Variants in CBLN2 observed in about 807,000 individuals in gnomAD.
CBLN2 encodes the protein cerebellin 2 precursor, also known as cerebellin-2.
Under a neutral mutation model 15.0 loss-of-function variants are expected in CBLN2, and 7 were observed. The observed-to-expected ratio is 0.47, with a 90% confidence interval of 0.27 to 0.88. The LOEUF is 0.88. CBLN2 is among the 40% of genes least tolerant of loss of function. CBLN2 has a pLI of 0.14. For missense variants in CBLN2, 242 were observed against 304.5 expected, an observed-to-expected ratio of 0.79 and a Z score of 1.53; for synonymous variants, 149 against 135.2, an observed-to-expected ratio of 1.10 and a Z score of -0.71.
chr18:72,548,656 T>C (rs1045542950), upstream of CBLN2, among the ~76,000 whole-genome samples: 1 of 41,546 alleles, frequency 2.4e-5, no homozygotes, highest in African/African-American at 3.1e-5. Flanking sequence ...CAAATATATT[T>C]AAGAAATATT....
intron 1 of CBLN2, among the ~76,000 whole-genome samples, chr18:72,613,739 G>A (rs955269091): frequency 1.3e-4 from 20 of 152,228 alleles, no homozygotes; most frequent in Middle Eastern, 3.4e-3. Context: ...TGAGGCCCCA[G>A]GGACTCATTT....
At chr18:72,557,988 C>T (rs1346899223) in intron 1 of CBLN2, among the ~76,000 whole-genome samples, 1 of 152,084 alleles carries the variant, frequency 6.6e-6, no homozygotes, top group East Asian at 1.9e-4. Flanking sequence ...ATGGGTTTTT[C>T]CAGCACAGAG....
At chr18:72,608,948 G>C (rs2069602683) in intron 1 of CBLN2, among the ~76,000 whole-genome samples, 1 of 152,146 alleles carries the variant, frequency 6.6e-6, no homozygotes, top group South Asian at 2.1e-4. Context: ...CAGATGTCAT[G>C]AGACTTATTC....
chr18:72,619,798 A>C (rs2069687600), intron 1 of CBLN2, among the ~76,000 whole-genome samples: 1 of 152,222 alleles, frequency 6.6e-6, no homozygotes, highest in African/African-American at 2.4e-5. Context: ...ATTATTTCTT[A>C]GTAACATATT....
chr18:72,564,158 C>T (rs2069279230), intron 1 of CBLN2, among the ~76,000 whole-genome samples: 1 of 152,016 alleles, frequency 6.6e-6, no homozygotes, highest in African/African-American at 2.4e-5. Context: ...AACAAGGCGA[C>T]ATGATACCAC....
At chr18:72,593,864 C>T (rs145427959) in intron 1 of CBLN2, among the ~76,000 whole-genome samples, 139 of 152,214 alleles carry the variant, frequency 9.1e-4, no homozygotes, top group Non-Finnish European at 1.6e-3. Context: ...TTCACAACAG[C>T]AAAGACTTGG....
intron 1 of CBLN2, among the ~76,000 whole-genome samples, chr18:72,627,677 C>T (rs761252227): frequency 9.2e-5 from 14 of 152,280 alleles, no homozygotes; most frequent in South Asian, 4.1e-4. Context: ...TCAAAATATG[C>T]GCAAGCACGA....
intron 1 of CBLN2, among the ~76,000 whole-genome samples, chr18:72,632,298 T>C (rs1224344207): frequency 6.6e-6 from 1 of 152,118 alleles, no homozygotes; most frequent in Non-Finnish European, 1.5e-5. Flanking sequence ...GATAAGGTAA[T>C]GTTTTACCTT....
intron 1 of CBLN2, among the ~76,000 whole-genome samples, chr18:72,604,202 G>C (rs1307523558): frequency 6.6e-6 from 1 of 152,172 alleles, no homozygotes; most frequent in Non-Finnish European, 1.5e-5. Flanking sequence ...CTCCTCCTCA[G>C]ACCTGTTGAA....
At chr18:72,555,253 C>G (rs1193154065) in intron 1 of CBLN2, among the ~76,000 whole-genome samples, 1 of 152,136 alleles carries the variant, frequency 6.6e-6, no homozygotes, top group Non-Finnish European at 1.5e-5. Context: ...GTGCCCTCGG[C>G]TGGAAAGCCT....
At chr18:72,602,930 T>C (rs2069558439) in intron 1 of CBLN2, among the ~76,000 whole-genome samples, 1 of 152,224 alleles carries the variant, frequency 6.6e-6, no homozygotes, top group South Asian at 2.1e-4. Context: ...CCCTACCTGA[T>C]TCCACCTTTT....
At chr18:72,621,779 T>A (rs1031240933) in intron 1 of CBLN2, among the ~76,000 whole-genome samples, 4 of 152,184 alleles carry the variant, frequency 2.6e-5, no homozygotes, top group Non-Finnish European at 4.4e-5. Flanking sequence ...AATAGGACTA[T>A]GTCATGTATG....
rs1271012826 is a variant in CBLN2, at chr18:72,542,074, T to G, written c.87A>C (p.Gly29=). Residue 29 remains glycine (G), a synonymous_variant, in exon 3 of 5, where the codon GGA becomes GGC. Coordinates refer to ENST00000269503, the MANE Select transcript of CBLN2 (RefSeq NM_182511.4). ...GGGCCAGCGCCACCCCCAGGCAGGA[T>G]CCGCAGCCGCCCGGCTCGCGCAGCG... ...RGALREPGGC[G]SCLGVALALL... 6.4e-7 allele frequency: 1 copy of G among 1,554,180 alleles called. No individual in the cohort carries two copies. The highest frequency in any genetic ancestry group is 2.6e-5 in the East Asian group (1 of 38,826).
intron 1 of CBLN2, among the ~76,000 whole-genome samples, chr18:72,551,158 T>C (rs909168805): frequency 6.6e-6 from 1 of 152,126 alleles, no homozygotes; most frequent in Non-Finnish European, 1.5e-5. Flanking sequence ...TTTATTCCGA[T>C]GCTTATTAAA....
At chr18:72,590,339 T>C (rs2069472399) in intron 1 of CBLN2, among the ~76,000 whole-genome samples, 1 of 151,402 alleles carries the variant, frequency 6.6e-6, no homozygotes, top group Admixed American at 6.6e-5. Context: ...CCCAGCTACT[T>C]GGGAGGCTGA....
At position 72,537,728 on chromosome 18, in the gene CBLN2, C is replaced by T. The variant is rs1366636056; in HGVS notation, c.*448G>A. 4.7e-6 allele frequency: 1 copy of T among 213,244 alleles called. No individual in the cohort carries two copies. Among genetic ancestry groups the T allele is most frequent in the Admixed American group, 5.3e-5 (1 of 18,744 alleles). 13.2% of individuals were successfully genotyped at this position (213,244 alleles called of 1,614,324 possible). ...TAAGGCTATACAGACACACACAGAA[C>T]ACATGTCAAGGACTGTCCAGCAGGT... On this transcript the variant is annotated 3_prime_UTR_variant, in exon 5 of 5. Transcript: ENST00000269503.
intron 1 of CBLN2, among the ~76,000 whole-genome samples, chr18:72,629,603 C>T (rs10153341): frequency 0.014 from 2,189 of 152,176 alleles, 30 homozygotes; most frequent in Middle Eastern, 0.031. Flanking sequence ...ATTTTGAATT[C>T]ATGATTTATA....
chr18:72,616,919 A>G (rs2069666431), intron 1 of CBLN2, among the ~76,000 whole-genome samples: 1 of 152,160 alleles, frequency 6.6e-6, no homozygotes, highest in Non-Finnish European at 1.5e-5. Context: ...GTATGTATGC[A>G]ATATATTCCT....
chr18:72,605,680 A>C (rs910995242), intron 1 of CBLN2, among the ~76,000 whole-genome samples: 2 of 152,216 alleles, frequency 1.3e-5, no homozygotes, highest in African/African-American at 4.8e-5. Context: ...TCAAATTCAC[A>C]TTACTTGTGG....
Sources: allele counts gnomAD v4.1 joint callset (sites outside exome capture counted in the v4.1 genomes callset), GRCh38; gene constraint gnomAD v4.1.1; transcripts MANE v1.5; gene names NCBI Gene and HGNC (gene_info 2026-07-23, HGNC 2026-07-21).